Variants in SLCO2A1 observed in about 807,000 individuals in gnomAD.
SLCO2A1 encodes the protein matrin F/G 1.
Under a neutral mutation model 71.7 loss-of-function variants are expected in SLCO2A1, and 60 were observed. The ratio of observed to expected loss-of-function variants is 0.84; its 90% CI spans 0.68 to 1.04. The LOEUF (loss-of-function observed/expected upper bound fraction) is 1.04. Among genes scored for constraint, SLCO2A1 ranks in the 50% least tolerant of loss-of-function variants. SLCO2A1 has a pLI of 0.00. For missense variants in SLCO2A1, 745 were observed against 813.4 expected (o/e 0.92, Z 1.02); for synonymous variants, 308 against 326.7 (o/e 0.94, Z 0.62).
chr3:133,964,879 C>A (rs1014056070), intron 3 of SLCO2A1, among the ~76,000 whole-genome samples: 3 of 152,196 alleles, frequency 2.0e-5, no homozygotes, highest in African/African-American at 7.2e-5. Flanking sequence ...GCTGCCCACA[C>A]CCCCACACCC....
At chr3:133,952,465 G>A (rs9870398) in intron 5 of SLCO2A1, among the ~76,000 whole-genome samples, 59,527 of 151,946 alleles carry the variant, frequency 0.39, 11,997 homozygotes, top group African/African-American at 0.46. Flanking sequence ...CTGGAACTTC[G>A]TATCCCACCC....
chr3:134,003,864 G>T (rs1456447385), intron 1 of SLCO2A1, among the ~76,000 whole-genome samples: 1 of 152,178 alleles, frequency 6.6e-6, no homozygotes, highest in East Asian at 1.9e-4. Flanking sequence ...TAATTTGGGT[G>T]GGCCAGACTC....
chr3:134,028,191 G>T (rs137903520), intron 1 of SLCO2A1, among the ~76,000 whole-genome samples: 245 of 152,194 alleles, frequency 1.6e-3, no homozygotes, highest in African/African-American at 5.3e-3. Context: ...CTGGACACCC[G>T]TCCCTCCTGC....
intron 3 of SLCO2A1, among the ~76,000 whole-genome samples, chr3:133,962,881 C>T (rs1018781399): frequency 6.6e-6 from 1 of 152,206 alleles, no homozygotes; most frequent in Non-Finnish European, 1.5e-5. Flanking sequence ...ACACAGCCAC[C>T]TGCCCCTATC....
At chr3:133,995,202 G>T (rs1934940147) in intron 1 of SLCO2A1, among the ~76,000 whole-genome samples, 2 of 152,064 alleles carry the variant, frequency 1.3e-5, no homozygotes, top group African/African-American at 2.4e-5. Flanking sequence ...GCAAAGATGA[G>T]TTTGCCTGTT....
Position 133,934,517 on chromosome 3 carries a change from C to A in SLCO2A1, c.*196G>T. 1 of 509,322 alleles carries A rather than the reference C, an allele frequency of 2.0e-6. No homozygotes were observed. The highest frequency in any genetic ancestry group is 3.5e-6 in the Non-Finnish European group (1 of 282,550). The allele number at this position is 509,322 out of a possible 1,614,324, so 31.6% of individuals were successfully genotyped here. On this transcript the variant is annotated 3_prime_UTR_variant, in exon 14 of 14. Transcript: ENST00000310926. ...AGCCCCCCAGTTCTGGCCCACACAG[C>A]CCGGGTACACAGTGGCCCTTAGGAA... is the stretch of plus-strand genomic sequence containing the variant.
chr3:133,947,008 G>A (rs1203917057), intron 9 of SLCO2A1, among the ~76,000 whole-genome samples: 1 of 151,972 alleles, frequency 6.6e-6, no homozygotes, highest in Admixed American at 6.6e-5. Context: ...CCAGCTACTC[G>A]AGAGGCTGAG....
intron 3 of SLCO2A1, among the ~76,000 whole-genome samples, chr3:133,965,770 G>GCCCAGGCAGCGTGGA (rs150000998): frequency 6.6e-6 from 1 of 150,454 alleles, no homozygotes; most frequent in Admixed American, 6.6e-5. Context: ...ACCGCACTGG[G>GCCCAGGCAGCGTGGA]CCCCCAAAGG....
chr3:133,993,234 C>T (rs1430425425), intron 1 of SLCO2A1, among the ~76,000 whole-genome samples: 2 of 152,246 alleles, frequency 1.3e-5, no homozygotes, highest in Admixed American at 1.3e-4. Context: ...CCGAAGCGAC[C>T]AGCTAGGTCC....
In SLCO2A1 at chr3:133,959,091, C is replaced by T. The variant is rs1040288913; in HGVS notation, c.398-3898G>A. 3.3e-5 allele frequency among the ~76,000 whole-genome samples: 5 copies of T among 152,328 alleles called. No homozygotes were observed. The South Asian group carries it at 1.0e-3, about 32-fold the overall frequency. On this transcript the variant is annotated intron_variant, in intron 3 of 13. Coordinates refer to ENST00000310926, the MANE Select transcript of SLCO2A1 (RefSeq NM_005630.3). ...CTAGATGCCTAGGTCTGAGCAGCTG[C>T]CCCTCAGCAGCAGTATGAGTGATAC...
At position 133,951,258 on chromosome 3, in the gene SLCO2A1, T is replaced by C. The variant is rs753588372; in HGVS notation, c.811A>G (p.Thr271Ala). The part of the protein sequence containing the change: ...LLISSALLVL[T>A]SFPFFFFPRA... The stretch of plus-strand genomic sequence containing the variant: ...GGGAAGAAAAAAAAGGGGAAAGAGG[T>C]GAGAACCAATAAAGCTGAAGAAATG... Residue 271 changes from threonine to alanine, a missense_variant, in exon 6 of 14, where the codon ACC (threonine) becomes GCC (alanine). Physicochemically the swap from Thr to Ala is moderately conservative, Grantham distance 58. Coordinates refer to ENST00000310926, the MANE Select transcript of SLCO2A1 (RefSeq NM_005630.3). The C allele has an allele frequency of 8.1e-6, 13 of 1,613,514 alleles. No homozygotes were observed. The South Asian group carries it at 1.4e-4, about 18-fold the overall frequency.
At chr3:133,972,745 G>A (rs1336908802) in intron 3 of SLCO2A1, among the ~76,000 whole-genome samples, 1 of 152,158 alleles carries the variant, frequency 6.6e-6, no homozygotes, top group Non-Finnish European at 1.5e-5. Context: ...AATAACTATT[G>A]ATTTAAAATC....
intron 1 of SLCO2A1, among the ~76,000 whole-genome samples, chr3:134,001,505 A>G (rs1406692631): frequency 1.3e-5 from 2 of 151,922 alleles, no homozygotes; most frequent in Admixed American, 6.6e-5. Context: ...TCCTTCTGTG[A>G]CCTCACCTCT....
In SLCO2A1 at chr3:133,955,019, C is replaced by G. The variant is rs376913032; in HGVS notation, c.572G>C (p.Gly191Ala). The change falls in exon 4 of 14, where the codon GGG (glycine) becomes GCG (alanine). Residue 191 changes from glycine to alanine, a missense_variant. Coordinates refer to ENST00000310926, the MANE Select transcript of SLCO2A1 (RefSeq NM_005630.3). ...TGAGAAGTCATCCACATAGGAGATC[C>G]CAAATGGCTGAATAGGCACTGTCCC... ...GIGTVPIQPF[G>A]ISYVDDFSEP... 40 of 1,614,066 alleles carry G rather than the reference C, an allele frequency of 2.5e-5. No homozygotes were observed. Among genetic ancestry groups the G allele is most frequent in the Admixed American group, 1.7e-4 (10 of 59,994 alleles).
At chr3:133,997,316 C>A (rs1257387006) in intron 1 of SLCO2A1, among the ~76,000 whole-genome samples, 2 of 152,202 alleles carry the variant, frequency 1.3e-5, no homozygotes, top group Non-Finnish European at 2.9e-5. Context: ...TATCACAGGT[C>A]AAATCATGCC....
At position 133,976,125 on chromosome 3, in the gene SLCO2A1, C is replaced by A. The variant is rs533832292; in HGVS notation, c.235-2300G>T. Among the ~76,000 whole-genome samples the A allele has an allele frequency of 2.6e-5, 4 of 152,202 alleles. No individual in the cohort carries two copies. In the East Asian group the frequency reaches 7.7e-4, roughly 29 times the overall value. On this transcript the variant is annotated intron_variant, in intron 2 of 13. Transcript: ENST00000310926. The stretch of plus-strand genomic sequence containing the variant: ...TTTTCAAGAGGAGGACATAGTTGCC[C>A]AGGAGACCCCTCCAGCATGGCCAAG...
At position 133,953,655 on chromosome 3, in the gene SLCO2A1, A is replaced by G. The variant is rs751384882; in HGVS notation, c.724+8T>C. The G allele has an allele frequency of 3.1e-6, 5 of 1,611,798 alleles. No individual in the cohort carries two copies. The highest frequency in any genetic ancestry group is 4.2e-6 in the Non-Finnish European group (5 of 1,178,022). On this transcript the variant is annotated splice_region_variant and intron_variant, in intron 5 of 13. Transcript: ENST00000310926. The stretch of plus-strand genomic sequence containing the variant: ...GGATGGGAATGGGTGTCCTCTGCAC[A>G]TACTCACCTGTGTTGACCCTGCCAT...
chr3:134,010,624 C>T (rs967185616), intron 1 of SLCO2A1, among the ~76,000 whole-genome samples: 78 of 151,728 alleles, frequency 5.1e-4, no homozygotes, highest in African/African-American at 1.6e-3. Context: ...CATGGTGGCA[C>T]GCACCTGTAA....
In SLCO2A1 at chr3:133,935,873, T is replaced by C; in HGVS notation, c.1715A>G (p.Tyr572Cys). ...LLAWLPSPALYGLTIDHSCIR... is the reference protein window; with the variant it reads ...LLAWLPSPALCGLTIDHSCIR... ...GCAGGAGTGGTCAATGGTGAGGCCA[T>C]AGAGGGCTGGAGATGGCAGCCAGGC... The change falls in exon 13 of 14, where the codon TAT becomes TGT. Residue 572 changes from tyrosine (Y) to cysteine (C), a missense_variant. By Grantham distance (194) the Tyr-to-Cys change is radical (BLOSUM62 -2). Transcript: ENST00000310926. 6.2e-7 allele frequency: 1 copy of C among 1,607,380 alleles called. No homozygotes were observed. The highest frequency in any genetic ancestry group is 8.5e-7 in the Non-Finnish European group (1 of 1,176,092).
Sources: allele counts gnomAD v4.1 joint callset (sites outside exome capture counted in the v4.1 genomes callset), GRCh38; gene constraint gnomAD v4.1.1; transcripts MANE v1.5; gene names NCBI Gene and HGNC (gene_info 2026-07-23, HGNC 2026-07-21).